Variants in AGBL4 observed in about 807,000 individuals in gnomAD.
AGBL4 encodes AGBL carboxypeptidase 4.
AGBL4 carries 58 observed loss-of-function variants against 66.4 expected under a neutral mutation model. That is an observed-to-expected ratio of 0.87 (90% confidence interval 0.71 to 1.09). AGBL4 has a LOEUF of 1.09. Ranked by LOEUF, AGBL4 falls within the 50% of genes least tolerant of loss-of-function variation. AGBL4 has a pLI of 0.00. For missense variants in AGBL4, 579 were observed against 631.0 expected, an observed-to-expected ratio of 0.92 and a Z score of 0.88; for synonymous variants, 234 against 222.9, an observed-to-expected ratio of 1.05 and a Z score of -0.44.
chr1:49,181,154 C>A (rs2148186484), intron 4 of AGBL4, among the ~76,000 whole-genome samples: 1 of 152,210 alleles, frequency 6.6e-6, no homozygotes, highest in Non-Finnish European at 1.5e-5. Context: ...TCCTCCTCCT[C>A]AAAATGCACT....
intron 5 of AGBL4, among the ~76,000 whole-genome samples, chr1:48,894,096 C>G (rs956641189): frequency 1.3e-5 from 2 of 152,114 alleles, no homozygotes; most frequent in African/African-American, 2.4e-5. Context: ...AAGTATTAGT[C>G]GACTTCAAAA....
chr1:49,889,084 C>A (rs1571810140), intron 1 of AGBL4, among the ~76,000 whole-genome samples: 1 of 152,178 alleles, frequency 6.6e-6, no homozygotes, highest in East Asian at 1.9e-4. Flanking sequence ...TAACAAACTA[C>A]ATACTACACA....
intron 4 of AGBL4, among the ~76,000 whole-genome samples, chr1:49,114,467 TA>T (rs1185992242): frequency 6.6e-6 from 1 of 152,228 alleles, no homozygotes; most frequent in Non-Finnish European, 1.5e-5. Flanking sequence ...AAATCAGCAA[TA>T]AGGCTGTTTT....
intron 5 of AGBL4, among the ~76,000 whole-genome samples, chr1:48,873,610 A>G (rs900318256): frequency 4.6e-5 from 7 of 152,072 alleles, no homozygotes; most frequent in African/African-American, 1.2e-4. Flanking sequence ...ATAATGCTCA[A>G]TTCAGATTTG....
At chr1:49,970,808 A>T (rs1302402267) in intron 1 of AGBL4, among the ~76,000 whole-genome samples, 6 of 151,940 alleles carry the variant, frequency 3.9e-5, no homozygotes, top group Non-Finnish European at 8.8e-5. Flanking sequence ...AGGGAAATGC[A>T]AGTCAAAACG....
chr1:49,371,228 T>TATAGATAG (rs71307608), intron 3 of AGBL4, among the ~76,000 whole-genome samples: 3,882 of 147,044 alleles, frequency 0.026, 69 homozygotes, highest in Non-Finnish European at 0.039. Context: ...TAGATAGATA[T>TATAGATAG]ATAGATAGAT....
rs1335815911 is a variant in AGBL4 at position 49,795,327 on chromosome 1, T to G, written c.157+56069A>C. Among the ~76,000 whole-genome samples the G allele has an allele frequency of 2.0e-5, 3 of 152,178 alleles. No individual in the cohort carries two copies. In the East Asian group the frequency reaches 5.8e-4, roughly 29 times the overall value. ...GATAAAACTATCACAAATTTGCCAC[T>G]GCTTTACAAATTAATATATAGTTTC... On this transcript the variant is annotated intron_variant, in intron 2 of 13. Coordinates refer to ENST00000371839, the MANE Select transcript of AGBL4 (RefSeq NM_032785.4).
intron 3 of AGBL4, among the ~76,000 whole-genome samples, chr1:49,427,657 G>A (rs958034795): frequency 1.4e-4 from 22 of 152,198 alleles, no homozygotes; most frequent in African/African-American, 5.3e-4. Context: ...ACAGACCTTC[G>A]CAGTGAATGT....
intron 4 of AGBL4, among the ~76,000 whole-genome samples, chr1:49,207,807 TA>T (rs1480601466): frequency 2.6e-5 from 4 of 151,704 alleles, no homozygotes; most frequent in Non-Finnish European, 5.9e-5. Context: ...AGGCTAGTTT[TA>T]AACTCCTGGG....
At chr1:49,372,721 T>C (rs1253454343) in intron 3 of AGBL4, among the ~76,000 whole-genome samples, 12 of 150,048 alleles carry the variant, frequency 8.0e-5, no homozygotes, top group African/African-American at 2.9e-4. Flanking sequence ...CTCTCTCTCT[T>C]TCTTTCTTTC....
intron 3 of AGBL4, among the ~76,000 whole-genome samples, chr1:49,552,167 C>G (rs753509509): frequency 2.6e-5 from 4 of 152,138 alleles, no homozygotes; most frequent in Non-Finnish European, 4.4e-5. Flanking sequence ...CTCACAACAG[C>G]CTTGAGTCTG....
At chr1:48,865,725 C>T (rs1031238262) in intron 6 of AGBL4, among the ~76,000 whole-genome samples, 3 of 152,128 alleles carry the variant, frequency 2.0e-5, no homozygotes, top group Non-Finnish European at 4.4e-5. Context: ...ATCAACAACT[C>T]TCTCCAATTC....
chr1:48,672,084 A>G (rs1033621529), intron 6 of AGBL4, among the ~76,000 whole-genome samples: 5 of 152,280 alleles, frequency 3.3e-5, no homozygotes, highest in Non-Finnish European at 7.3e-5. Flanking sequence ...CTAAGACAAT[A>G]CATTCTAATC....
At chr1:49,881,265 C>T (rs1176116875) in intron 1 of AGBL4, among the ~76,000 whole-genome samples, 2 of 152,094 alleles carry the variant, frequency 1.3e-5, no homozygotes, top group Non-Finnish European at 2.9e-5. Flanking sequence ...ATATGTGCCA[C>T]ATTTTCTTAA....
intron 1 of AGBL4, among the ~76,000 whole-genome samples, chr1:49,930,066 A>C (rs553840173): frequency 3.9e-5 from 6 of 152,192 alleles, no homozygotes; most frequent in African/African-American, 1.4e-4. Context: ...GATACACTTC[A>C]CATGGTGATC....
intron 1 of AGBL4, among the ~76,000 whole-genome samples, chr1:49,976,115 G>A (rs1467585512): frequency 2.0e-5 from 3 of 152,168 alleles, no homozygotes; most frequent in African/African-American, 7.2e-5. Flanking sequence ...CATTAGAGGA[G>A]ACAAACAGGC....
intron 6 of AGBL4, chr1:48,742,480 A>G: frequency 1.2e-6 from 1 of 802,014 alleles, no homozygotes; most frequent in Admixed American, 3.3e-5. Context: ...CTGATAGTAT[A>G]CAAATTCCAG....
In AGBL4 at chr1:49,364,185, T is replaced by A. The variant is rs566521736; in HGVS notation, c.283-118321A>T. Among the ~76,000 whole-genome samples, 183 of 152,324 alleles carry A rather than the reference T, an allele frequency of 1.2e-3. 2 individuals carry two copies. Among genetic ancestry groups the A allele is most frequent in the Non-Finnish European group, 1.9e-3 (132 of 68,024 alleles). ...TAACAAATTAATTAATGGGAGACCA[T>A]TCATATTTAAAAAGGACTCTATTTA... On this transcript the variant is annotated intron_variant, in intron 3 of 13. Transcript: ENST00000371839.
intron 6 of AGBL4, among the ~76,000 whole-genome samples, chr1:48,682,279 G>A (rs1045193964): frequency 6.6e-6 from 1 of 152,212 alleles, no homozygotes; most frequent in African/African-American, 2.4e-5. Context: ...CATACAGAGG[G>A]CCAGGGACTT....
Sources: allele counts gnomAD v4.1 joint callset (sites outside exome capture counted in the v4.1 genomes callset), GRCh38; gene constraint gnomAD v4.1.1; transcripts MANE v1.5; gene names NCBI Gene and HGNC (gene_info 2026-07-23, HGNC 2026-07-21).